The following CDH18 variants were observed in gnomAD, a reference collection of about 807,000 sequenced individuals.
CDH18 encodes cadherin-18.
CDH18 carries 31 observed loss-of-function variants against 67.9 expected under a neutral mutation model. The observed-to-expected ratio is 0.46, with a 90% CI of 0.34 to 0.62. The LOEUF is 0.62. Among genes scored for constraint, CDH18 ranks in the 20% least tolerant of loss-of-function variants. CDH18 has a pLI of 0.01. For missense variants in CDH18, 890 were observed against 975.5 expected, an observed-to-expected ratio of 0.91 and a Z score of 1.17; for synonymous variants, 362 against 347.2, an observed-to-expected ratio of 1.04 and a Z score of -0.48.
chr5:20,003,688 C>G (rs972813374), intron 2 of CDH18, among the ~76,000 whole-genome samples: 1 of 152,026 alleles, frequency 6.6e-6, no homozygotes, highest in Non-Finnish European at 1.5e-5. Context: ...GTCAGGAGAT[C>G]GAGACCATCC....
intron 2 of CDH18, among the ~76,000 whole-genome samples, chr5:20,208,665 GT>G (rs1462212291): frequency 1.3e-5 from 2 of 151,838 alleles, no homozygotes; most frequent in African/African-American, 4.8e-5. Context: ...TCTGAGCAAA[GT>G]TTTTTTTGTG....
rs144238161 is a variant in CDH18, at chr5:20,471,038, A to T, written c.-580+104424T>A. Among the ~76,000 whole-genome samples the T allele has an allele frequency of 1.7e-3, 255 of 152,244 alleles. 1 individual carries two copies. In the Middle Eastern group the frequency reaches 0.02, roughly 12 times the overall value. ...AATTGCTGCTGAAATGCTTATAAAC[A>T]TTCTTTATTTTCTGTGTGCAATTCT... On this transcript the variant is annotated intron_variant, in intron 1 of 14. Transcript: ENST00000507958.
intron 1 of CDH18, among the ~76,000 whole-genome samples, chr5:20,535,031 C>T (rs1157602698): frequency 6.6e-6 from 1 of 152,062 alleles, no homozygotes; most frequent in Non-Finnish European, 1.5e-5. Flanking sequence ...GCACTTTTCT[C>T]ACTTCATGTT....
chr5:19,567,685 C>T (rs1740665576), intron 8 of CDH18, among the ~76,000 whole-genome samples: 1 of 152,032 alleles, frequency 6.6e-6, no homozygotes, highest in South Asian at 2.1e-4. Flanking sequence ...CAAACAGCAG[C>T]TATGGAGTCT....
intron 2 of CDH18, among the ~76,000 whole-genome samples, chr5:19,844,854 T>A (rs1234320640): frequency 6.6e-6 from 1 of 152,186 alleles, no homozygotes; most frequent in Non-Finnish European, 1.5e-5. Context: ...CATTGTTTCC[T>A]ACTTCTCCCT....
intron 2 of CDH18, among the ~76,000 whole-genome samples, chr5:20,144,561 T>C (rs1750495666): frequency 6.6e-6 from 1 of 152,066 alleles, no homozygotes; most frequent in Non-Finnish European, 1.5e-5. Flanking sequence ...TAAATAATAT[T>C]TAGATGGGAT....
chr5:20,391,044 T>C (rs2150115444), intron 1 of CDH18, among the ~76,000 whole-genome samples: 1 of 151,904 alleles, frequency 6.6e-6, no homozygotes, highest in Admixed American at 6.6e-5. Context: ...AAATGATGAG[T>C]TACTGGGTTC....
At chr5:20,106,535 T>C (rs1377954551) in intron 2 of CDH18, among the ~76,000 whole-genome samples, 1 of 152,244 alleles carries the variant, frequency 6.6e-6, no homozygotes, top group Non-Finnish European at 1.5e-5. Flanking sequence ...ACACTTTTTA[T>C]ATCAATTTTC....
Position 20,115,069 on chromosome 5 carries a change from AT to A in CDH18, c.-517-123056del, listed in dbSNP as rs566301251. ...GCAGTAGCTTAAGCAACAAAAATTT[AT>A]TTCTTACAGTTCTGGAGTCTGCAAT... On this transcript the variant is annotated intron_variant, in intron 2 of 14. Transcript: ENST00000507958. Among the ~76,000 whole-genome samples the A allele has an allele frequency of 1.2e-4, 18 of 152,054 alleles. No individual in the cohort carries two copies. The East Asian group carries it at 3.3e-3, about 28-fold the overall frequency.
rs376727207 is a variant in CDH18, at chr5:19,630,639, C to A, written c.644-18038G>T. On this transcript the variant is annotated intron_variant, in intron 5 of 12. Coordinates refer to ENST00000382275, the MANE Select transcript of CDH18 (RefSeq NM_004934.5). ...CATTCAATATTTTTCTATCTTATTT[C>A]TTAGTAGGGGGATCTAGCAGGAAGT... Among the ~76,000 whole-genome samples, 413 of 152,214 alleles carry A rather than the reference C, an allele frequency of 2.7e-3. 2 individuals carry two copies. Among genetic ancestry groups the A allele is most frequent in the Admixed American group, 5.2e-3 (79 of 15,292 alleles).
At chr5:20,278,038 G>A (rs1177395236) in intron 1 of CDH18, among the ~76,000 whole-genome samples, 1 of 152,012 alleles carries the variant, frequency 6.6e-6, no homozygotes, top group Non-Finnish European at 1.5e-5. Context: ...GCCTAAAAAA[G>A]GAAAATCTAA....
chr5:19,705,132 TCA>T (rs1468513110), intron 5 of CDH18, among the ~76,000 whole-genome samples: 1 of 152,206 alleles, frequency 6.6e-6, no homozygotes, highest in African/African-American at 2.4e-5. Context: ...TAAAAAATTT[TCA>T]CAGTGTTACC....
chr5:19,863,309 G>A (rs764807280), intron 2 of CDH18, among the ~76,000 whole-genome samples: 4 of 152,066 alleles, frequency 2.6e-5, no homozygotes, highest in Non-Finnish European at 4.4e-5. Flanking sequence ...AACAATGTCC[G>A]TGATGTCAAA....
intron 1 of CDH18, among the ~76,000 whole-genome samples, chr5:20,459,402 G>A (rs1025035192): frequency 1.3e-5 from 2 of 152,094 alleles, no homozygotes; most frequent in Non-Finnish European, 2.9e-5. Flanking sequence ...CATGTCTTTT[G>A]TCTTTGTGTT....
At chr5:19,846,631 G>C (rs192306229) in intron 2 of CDH18, among the ~76,000 whole-genome samples, 137 of 152,236 alleles carry the variant, frequency 9.0e-4, no homozygotes, top group African/African-American at 3.2e-3. Flanking sequence ...ATATATGTGG[G>C]TTCCACATGA....
intron 2 of CDH18, among the ~76,000 whole-genome samples, chr5:20,209,981 A>G (rs1200318954): frequency 6.6e-6 from 1 of 151,470 alleles, no homozygotes; most frequent in African/African-American, 2.4e-5. Flanking sequence ...AAGAAGTAAT[A>G]TTAACTAAAT....
intron 6 of CDH18, among the ~76,000 whole-genome samples, chr5:19,605,608 C>G (rs956173399): frequency 1.1e-4 from 17 of 151,962 alleles, no homozygotes; most frequent in Middle Eastern, 6.8e-3. Flanking sequence ...CTAACTCTGT[C>G]ATATAAAACA....
chr5:19,817,227 G>A (rs1403956715), intron 3 of CDH18, among the ~76,000 whole-genome samples: 1 of 151,796 alleles, frequency 6.6e-6, no homozygotes. Flanking sequence ...ACAACCCTAT[G>A]TGTTGTTATC....
At chr5:20,240,708 T>C (rs1742832398) in intron 2 of CDH18, among the ~76,000 whole-genome samples, 1 of 152,230 alleles carries the variant, frequency 6.6e-6, no homozygotes, top group Non-Finnish European at 1.5e-5. Flanking sequence ...ATTAAAGCCA[T>C]GCTTTCTTAC....
Sources: gnomAD v4.1 joint callset for allele counts (sites outside exome capture counted in the v4.1 genomes callset) on GRCh38, gnomAD v4.1.1 for gene constraint, MANE v1.5 for transcripts, NCBI Gene and HGNC (gene_info 2026-07-23, HGNC 2026-07-21) for gene names.